The following KCNMB2 variants were observed in gnomAD, a reference collection of about 807,000 sequenced individuals.
The protein encoded by KCNMB2 is potassium calcium-activated channel subfamily M regulatory beta subunit 2.
Under a neutral mutation model 24.5 loss-of-function variants are expected in KCNMB2, and 9 were observed. The ratio of observed to expected loss-of-function variants is 0.37; its 90% CI spans 0.22 to 0.64. The LOEUF is 0.64. Among genes scored for constraint, KCNMB2 ranks in the 30% least tolerant of loss-of-function variants. The probability of loss-of-function intolerance (pLI) is 0.63; values close to 1 mark genes in which losing one functional copy is unlikely to be tolerated. For synonymous variants in KCNMB2, 109 were observed against 104.4 expected, an observed-to-expected ratio of 1.04 and a Z score of -0.27; for missense variants, 226 against 284.3, an observed-to-expected ratio of 0.79 and a Z score of 1.47.
Position 178,610,841 on chromosome 3 carries a change from A to G in KCNMB2, c.-68+74130A>G, listed in dbSNP as rs527956735. Among the ~76,000 whole-genome samples, 398 of 152,332 alleles carry G rather than the reference A, an allele frequency of 2.6e-3. 1 individual carries two copies. Among genetic ancestry groups the G allele is most frequent in the South Asian group, 3.9e-3 (19 of 4,820 alleles). On this transcript the variant is annotated intron_variant, in intron 1 of 4. Transcript: ENST00000452583. ...GAGGAAAGGCTTTCAGTTTTTCCCCACTTAATATGATACTAGCTGTGGGTT... is the reference window on the plus strand; with the variant it reads ...GAGGAAAGGCTTTCAGTTTTTCCCCGCTTAATATGATACTAGCTGTGGGTT...
At chr3:178,779,040 G>T (rs960521429) in intron 1 of KCNMB2, among the ~76,000 whole-genome samples, 1 of 152,196 alleles carries the variant, frequency 6.6e-6, no homozygotes, top group African/African-American at 2.4e-5. Context: ...TGATACTTAA[G>T]GGGCAAAAGG....
intron 1 of KCNMB2, among the ~76,000 whole-genome samples, chr3:178,799,321 A>T (rs1045433060): frequency 2.0e-5 from 3 of 152,192 alleles, no homozygotes; most frequent in Non-Finnish European, 2.9e-5. Context: ...TGATAAGCAA[A>T]TTCAGTAAAG....
chr3:178,605,099 T>G (rs1718225463), intron 1 of KCNMB2, among the ~76,000 whole-genome samples: 1 of 152,180 alleles, frequency 6.6e-6, no homozygotes, highest in South Asian at 2.1e-4. Flanking sequence ...AATGTTTGTG[T>G]TCCCCTAAAA....
chr3:178,776,839 T>C (rs1243975574), intron 1 of KCNMB2, among the ~76,000 whole-genome samples: 2 of 152,294 alleles, frequency 1.3e-5, no homozygotes, highest in African/African-American at 4.8e-5. Flanking sequence ...ACTCCTAATG[T>C]AGGCTGCTGG....
rs140467577 is a variant in KCNMB2 at position 178,681,936 on chromosome 3, T to C, written c.-67-125407T>C. 9.7e-4 allele frequency among the ~76,000 whole-genome samples: 147 copies of C among 152,320 alleles called. 2 individuals are homozygous for C. Among genetic ancestry groups the C allele is most frequent in the African/African-American group, 3.2e-3 (134 of 41,562 alleles). On this transcript the variant is annotated intron_variant, in intron 1 of 4. Transcript: ENST00000452583. ...ACCCTCAACTTGAGACTTAAAACTTTTCTCACCACTCTCAGTATCCCCAAG... is the reference window on the plus strand; with the variant it reads ...ACCCTCAACTTGAGACTTAAAACTTCTCTCACCACTCTCAGTATCCCCAAG...
chr3:178,632,718 C>CA (rs148024944), intron 1 of KCNMB2, among the ~76,000 whole-genome samples: 6,264 of 152,226 alleles, frequency 0.041, 174 homozygotes, highest in Non-Finnish European at 0.065. Flanking sequence ...CTCATGTCCT[C>CA]ACATTTCAAA....
chr3:178,744,053 A>C (rs1227860746), intron 1 of KCNMB2, among the ~76,000 whole-genome samples: 2 of 152,230 alleles, frequency 1.3e-5, no homozygotes, highest in African/African-American at 4.8e-5. Context: ...TAGCGATAGA[A>C]GTTAAATCTT....
At chr3:178,573,256 G>T (rs1370286715) in intron 1 of KCNMB2, among the ~76,000 whole-genome samples, 1 of 152,034 alleles carries the variant, frequency 6.6e-6, no homozygotes, top group East Asian at 1.9e-4. Flanking sequence ...TGATCCACCT[G>T]CTTCAGCATC....
intron 1 of KCNMB2, among the ~76,000 whole-genome samples, chr3:178,541,396 A>G (rs1432938074): frequency 2.9e-4 from 44 of 152,162 alleles, no homozygotes; most frequent in Admixed American, 2.9e-3. Context: ...GGAAGGGATG[A>G]TTGGGGTCAG....
chr3:178,738,741 C>A (rs982712258), intron 1 of KCNMB2, among the ~76,000 whole-genome samples: 2 of 152,192 alleles, frequency 1.3e-5, no homozygotes, highest in African/African-American at 2.4e-5. Flanking sequence ...TCACCTGCCT[C>A]CCAGCCCATT....
At chr3:178,711,849 A>T (rs1418239734) in intron 1 of KCNMB2, among the ~76,000 whole-genome samples, 3 of 152,226 alleles carry the variant, frequency 2.0e-5, no homozygotes, top group African/African-American at 7.2e-5. Context: ...TTGTTTCCTT[A>T]GAAAATTATG....
At chr3:178,737,052 T>C (rs375966071) in intron 1 of KCNMB2, among the ~76,000 whole-genome samples, 1 of 152,104 alleles carries the variant, frequency 6.6e-6, no homozygotes, top group East Asian at 1.9e-4. Flanking sequence ...GGCAGATCAC[T>C]TGAGGGCAGG....
At chr3:178,716,781 G>A (rs61796871) in intron 1 of KCNMB2, among the ~76,000 whole-genome samples, 5,070 of 152,226 alleles carry the variant, frequency 0.033, 99 homozygotes, top group Middle Eastern at 0.065. Flanking sequence ...TCAGGGACAG[G>A]TTTTCCACAT....
intron 1 of KCNMB2, among the ~76,000 whole-genome samples, chr3:178,678,016 G>T (rs997259472): frequency 6.6e-6 from 1 of 152,316 alleles, no homozygotes; most frequent in South Asian, 2.1e-4. Flanking sequence ...AAGGCTCCCA[G>T]TTCACAACCT....
intron 2 of KCNMB2, among the ~76,000 whole-genome samples, chr3:178,809,873 A>G (rs1007922631): frequency 6.6e-6 from 1 of 152,214 alleles, no homozygotes; most frequent in African/African-American, 2.4e-5. Flanking sequence ...CGAAGAAATC[A>G]TTTTTCAGCT....
intron 1 of KCNMB2, among the ~76,000 whole-genome samples, chr3:178,603,393 C>T (rs1327371804): frequency 6.6e-6 from 1 of 151,406 alleles, no homozygotes; most frequent in Non-Finnish European, 1.5e-5. Flanking sequence ...AGAAATAGCC[C>T]AGAGAGAACA....
At chr3:178,837,795 GA>G (rs1260316346) in intron 4 of KCNMB2, among the ~76,000 whole-genome samples, 2 of 152,068 alleles carry the variant, frequency 1.3e-5, no homozygotes, top group Non-Finnish European at 1.5e-5. Context: ...AGTTCTGCCA[GA>G]TGTTCTCAGT....
At chr3:178,800,945 T>C (rs1713751311) in intron 1 of KCNMB2, among the ~76,000 whole-genome samples, 1 of 152,126 alleles carries the variant, frequency 6.6e-6, no homozygotes, top group Non-Finnish European at 1.5e-5. Flanking sequence ...GTTCACATGG[T>C]CTCACTCATT....
intron 1 of KCNMB2, among the ~76,000 whole-genome samples, chr3:178,612,943 C>A (rs533412843): frequency 1.3e-5 from 2 of 152,110 alleles, no homozygotes; most frequent in African/African-American, 2.4e-5. Flanking sequence ...ATGAGGCTTG[C>A]AAATATTATA....
Sources: allele counts gnomAD v4.1 joint callset (sites outside exome capture counted in the v4.1 genomes callset), GRCh38; gene constraint gnomAD v4.1.1; transcripts MANE v1.5; gene names NCBI Gene and HGNC (gene_info 2026-07-23, HGNC 2026-07-21).